RERE: variants seen among roughly 807,000 people sequenced by gnomAD.
The protein encoded by RERE is arginine-glutamic acid dipeptide repeats.
In RERE, 40 loss-of-function variants were observed where a neutral mutation model predicts 146.1. The observed-to-expected ratio is 0.27, with a 90% CI of 0.21 to 0.36. RERE has a LOEUF of 0.36. RERE is among the 10% of genes least tolerant of loss of function. The pLI, the probability that RERE is intolerant of heterozygous loss-of-function variation, is 1.00. For missense variants in RERE, 1,933 were observed against 2,138.7 expected, an observed-to-expected ratio of 0.90 and a Z score of 1.90; for synonymous variants, 1,003 against 866.0, an observed-to-expected ratio of 1.16 and a Z score of -2.78.
At chr1:8,550,601 C>T (rs1645922086) in intron 6 of RERE, among the ~76,000 whole-genome samples, 2 of 152,182 alleles carry the variant, frequency 1.3e-5, no homozygotes. Flanking sequence ...GGCTGGAGTG[C>T]AGTGGCACGA....
rs148150147 is a variant in RERE, at chr1:8,632,384, A to T, written c.326-8004T>A. On this transcript the variant is annotated intron_variant, in intron 2 of 22. Coordinates refer to ENST00000400908, the MANE Select transcript of RERE (RefSeq NM_001042681.2). ...AGGAGCCTGGGCTTTACAATAAATG[A>T]TTCAACCAATTTACAGGGCTCACTG... Among the ~76,000 whole-genome samples, 18 of 152,334 alleles carry T rather than the reference A, an allele frequency of 1.2e-4. No homozygotes were observed. In the East Asian group the frequency reaches 3.3e-3, roughly 28 times the overall value.
At chr1:8,548,800 T>C (rs561647342) in intron 6 of RERE, among the ~76,000 whole-genome samples, 65 of 152,106 alleles carry the variant, frequency 4.3e-4, no homozygotes, top group African/African-American at 1.5e-3. Flanking sequence ...CTGGCCAAGA[T>C]GGTGAAACCC....
intron 11 of RERE, among the ~76,000 whole-genome samples, chr1:8,456,950 G>A (rs1414332188): frequency 6.6e-6 from 1 of 152,050 alleles, no homozygotes; most frequent in Non-Finnish European, 1.5e-5. Flanking sequence ...ATGTCACTTA[G>A]CAAGACTGTT....
At chr1:8,386,018 A>ATTTTTT (rs1428623957) in intron 12 of RERE, among the ~76,000 whole-genome samples, 2 of 41,904 alleles carry the variant, frequency 4.8e-5, no homozygotes, top group African/African-American at 1.0e-4. Context: ...ATATATATAT[A>ATTTTTT]TATATTTTTT....
intron 1 of RERE, among the ~76,000 whole-genome samples, chr1:8,669,186 C>CT (rs200435197): frequency 0.014 from 2,118 of 151,536 alleles, 57 homozygotes; most frequent in African/African-American, 0.049. Context: ...AATACCCCCC[C>CT]CAACTCGGCC....
At position 8,365,848 on chromosome 1, in the gene RERE, C is replaced by T. The variant is rs765016528; in HGVS notation, c.1411G>A (p.Val471Ile). Residue 471 changes from valine to isoleucine, a missense_variant, in exon 13 of 23, where the codon GTC becomes ATC. Physicochemically the swap from Val to Ile is conservative, Grantham distance 29 (BLOSUM62 3). This residue lies in a region of RERE where 260 missense variants were observed against 378.4 expected (regional missense o/e 0.69). Coordinates refer to ENST00000400908, the MANE Select transcript of RERE (RefSeq NM_001042681.2). Reference sequence around the variant, plus strand: ...GACGGGGGTCTGGAGGGTGTGTTGACGGGTGTGGACGCGGTGCGAGTCTTA... The same window carrying T: ...GACGGGGGTCTGGAGGGTGTGTTGATGGGTGTGGACGCGGTGCGAGTCTTA... Reference protein sequence around the residue: ...RIKTRTASTPVNTPSRPPSSE... With the variant: ...RIKTRTASTPINTPSRPPSSE... 1.2e-5 allele frequency: 19 copies of T among 1,613,970 alleles called. No individual in the cohort carries two copies. The highest frequency in any genetic ancestry group is 6.6e-5 in the South Asian group (6 of 91,074).
intron 12 of RERE, among the ~76,000 whole-genome samples, chr1:8,401,426 A>C (rs971869772): frequency 6.6e-6 from 1 of 151,526 alleles, no homozygotes; most frequent in Non-Finnish European, 1.5e-5. Flanking sequence ...TGCGCAACAG[A>C]GTGAGAACCT....
intron 11 of RERE, among the ~76,000 whole-genome samples, chr1:8,460,322 C>A (rs1402626048): frequency 3.3e-5 from 5 of 152,172 alleles, no homozygotes; most frequent in Non-Finnish European, 5.9e-5. Context: ...AGACACCCTG[C>A]AAATAGTTGT....
At chr1:8,418,012 T>C (rs1026902206) in intron 12 of RERE, among the ~76,000 whole-genome samples, 1 of 152,170 alleles carries the variant, frequency 6.6e-6, no homozygotes, top group Non-Finnish European at 1.5e-5. Context: ...TCCAGGAGCC[T>C]CTGTGCTCAC....
chr1:8,764,714 T>C (rs1640816368), intron 1 of RERE, among the ~76,000 whole-genome samples: 1 of 152,058 alleles, frequency 6.6e-6, no homozygotes, highest in African/African-American at 2.4e-5. Context: ...TTTTAAAAGA[T>C]CAAAGGCTCC....
intron 12 of RERE, chr1:8,380,768 G>A (rs746217522): frequency 2.2e-6 from 1 of 445,884 alleles, no homozygotes; most frequent in Non-Finnish European, 4.5e-6. Context: ...TCTTTAAGGT[G>A]ACTTCAGACT....
At position 8,766,546 on chromosome 1, in the gene RERE, CA is replaced by C. The variant is rs60530407; in HGVS notation, c.-145+50613del. 5.8e-3 allele frequency among the ~76,000 whole-genome samples: 383 copies of C among 65,954 alleles called. 1 individual carries two copies. The highest frequency in any genetic ancestry group is 9.8e-3 in the Non-Finnish European group (301 of 30,704). The allele number at this position is 65,954 out of a possible 152,430, so 43.3% of individuals were successfully genotyped here. On this transcript the variant is annotated intron_variant, in intron 1 of 22. Coordinates refer to ENST00000400908, the MANE Select transcript of RERE (RefSeq NM_001042681.2). ...TAGGCAACACAGCAAGACTCCATTG[CA>C]AAAAAAAAAAAAAAAAGAAAAGAAA...
intron 11 of RERE, among the ~76,000 whole-genome samples, chr1:8,429,297 G>A (rs543202561): frequency 6.6e-5 from 10 of 152,358 alleles, no homozygotes; most frequent in Admixed American, 5.2e-4. Context: ...CCTCAGAGCT[G>A]TGGTGGGCCT....
chr1:8,726,360 G>C (rs1034955304), intron 1 of RERE, among the ~76,000 whole-genome samples: 10 of 151,848 alleles, frequency 6.6e-5, no homozygotes, highest in African/African-American at 2.2e-4. Context: ...TCACCATGTT[G>C]GTCAGGCTGG....
intron 1 of RERE, among the ~76,000 whole-genome samples, chr1:8,776,132 T>C (rs745953983): frequency 1.3e-5 from 2 of 152,238 alleles, no homozygotes; most frequent in African/African-American, 4.8e-5. Context: ...AATCTCTAAA[T>C]TCTTCATCTG....
chr1:8,778,801 G>T (rs1641113807), intron 1 of RERE, among the ~76,000 whole-genome samples: 2 of 151,228 alleles, frequency 1.3e-5, no homozygotes, highest in Admixed American at 1.3e-4. Context: ...ATGCCACTGT[G>T]ACCTTGTCTC....
At chr1:8,745,700 G>A (rs1382520022) in intron 1 of RERE, among the ~76,000 whole-genome samples, 2 of 152,030 alleles carry the variant, frequency 1.3e-5, no homozygotes, top group African/African-American at 4.8e-5. Context: ...TCTCTTCCAG[G>A]CTTGAACCTC....
intron 4 of RERE, among the ~76,000 whole-genome samples, chr1:8,569,330 G>A (rs2124448177): frequency 6.6e-6 from 1 of 151,632 alleles, no homozygotes; most frequent in South Asian, 2.1e-4. Context: ...TTGTTGTTTG[G>A]TGACGGCGGT....
intron 1 of RERE, among the ~76,000 whole-genome samples, chr1:8,741,628 G>A (rs983859681): frequency 2.0e-5 from 3 of 152,202 alleles, no homozygotes; most frequent in African/African-American, 7.2e-5. Flanking sequence ...TGAAGAAGAT[G>A]CCTTGCTTTC....
Sources: gnomAD v4.1 joint callset for allele counts (sites outside exome capture counted in the v4.1 genomes callset) on GRCh38, gnomAD v4.1.1 for gene constraint, gnomAD v4.1.1 regional missense constraint, MANE v1.5 for transcripts, NCBI Gene and HGNC (gene_info 2026-07-23, HGNC 2026-07-21) for gene names.